SCN3A: variants seen among roughly 807,000 people sequenced by gnomAD.
SCN3A encodes sodium voltage-gated channel alpha subunit 3.
Under a neutral mutation model 187.6 loss-of-function variants are expected in SCN3A, and 60 were observed. That is an observed-to-expected ratio of 0.32 (90% CI 0.26 to 0.40). SCN3A has a LOEUF of 0.40. SCN3A is among the 10% of genes least tolerant of loss of function. SCN3A has a pLI of 1.00. For synonymous variants in SCN3A, 788 were observed against 829.2 expected, an observed-to-expected ratio of 0.95 and a Z score of 0.85; for missense variants, 1,601 against 2,428.2, an observed-to-expected ratio of 0.66 and a Z score of 7.16.
intron 1 of SCN3A, among the ~76,000 whole-genome samples, chr2:165,191,644 C>T (rs749699652): frequency 4.6e-5 from 7 of 152,156 alleles, no homozygotes; most frequent in Non-Finnish European, 8.8e-5. Context: ...CTTAAAGAGA[C>T]CTGCTCACAC....
chr2:165,163,542 C>T, intron 7 of SCN3A, 76 bp downstream of exon 7: 1 of 1,489,708 alleles, frequency 6.7e-7, no homozygotes, highest in Non-Finnish European at 9.3e-7. Context: ...AGCAACAAGG[C>T]TAATGCTGTA....
rs1186673696 is a variant in SCN3A, at chr2:165,094,415, G to C, written c.4495C>G (p.Leu1499Val). ...QKKYYNAMKK[L>V]GSKKPQKPIP... is the part of the protein sequence containing the mutation. ...GGTTTCTGAGGTTTCTTGGATCCAA[G>C]TTTCTTCATTGCATTGTAATATTTT... The change falls in exon 26 of 28, where the codon CTT (leucine) becomes GTT (valine). Residue 1499 changes from leucine to valine, a missense_variant. Coordinates refer to ENST00000283254, the MANE Select transcript of SCN3A (RefSeq NM_006922.4). 6.2e-7 allele frequency: 1 copy of C among 1,613,792 alleles called. No homozygotes were observed.
In SCN3A at chr2:165,127,378, T is replaced by A. The variant is rs186620324; in HGVS notation, c.3393+253A>T. Among the ~76,000 whole-genome samples the A allele has an allele frequency of 2.3e-4, 35 of 152,292 alleles. No individual in the cohort carries two copies. The East Asian group carries it at 6.2e-3, about 27-fold the overall frequency. ...GCCCAGCCTAAAAGGCCACATTTTT[T>A]AACCACATTTTCAAATGATCAAGAA... On this transcript the variant is annotated intron_variant, in intron 18 of 27. Coordinates refer to ENST00000283254, the MANE Select transcript of SCN3A (RefSeq NM_006922.4).
rs769316370 is a variant in SCN3A at position 165,164,412 on chromosome 2, A to G, written c.582T>C (p.Asp194=). The G allele has an allele frequency of 6.2e-7, 1 of 1,613,834 alleles. No homozygotes were observed. ...TFLRDPWNWL[D]FSVIVMAYVT... The stretch of plus-strand genomic sequence containing the variant: ...CTCACGCCATCACAATGACACTGAA[A>G]TCCAGCCAGTTCCATGGATCACGAA... Residue 194 remains aspartate, a synonymous_variant, in exon 6 of 28, where the codon GAT becomes GAC. Coordinates refer to ENST00000283254, the MANE Select transcript of SCN3A (RefSeq NM_006922.4).
intron 24 of SCN3A, among the ~76,000 whole-genome samples, chr2:165,096,166 G>C (rs1685356157): frequency 6.6e-6 from 1 of 152,016 alleles, no homozygotes; most frequent in Non-Finnish European, 1.5e-5. Flanking sequence ...ATACTCTCCA[G>C]GGATAGGGAG....
At chr2:165,201,789 A>T (rs1692338915) in intron 1 of SCN3A, among the ~76,000 whole-genome samples, 1 of 152,218 alleles carries the variant, frequency 6.6e-6, no homozygotes, top group African/African-American at 2.4e-5. Flanking sequence ...TTAGCACATC[A>T]ATCATAATTT....
chr2:165,139,971 TC>T (rs1256972060), intron 13 of SCN3A, among the ~76,000 whole-genome samples: 2 of 152,170 alleles, frequency 1.3e-5, no homozygotes, highest in African/African-American at 4.8e-5. Context: ...TGATTAATAA[TC>T]AGATCAATCT....
Position 165,113,828 on chromosome 2 carries a change from A to G in SCN3A, c.3657T>C (p.Ser1219=). ...ETFIVFMILL[S]SGALAFEDIY... ...GCATTTCACTTACCAATGCACCACT[A>G]CTGAGAAGGATCATGAACACAATGA... Residue 1219 remains serine, a synonymous_variant, in exon 20 of 28, where the codon AGT becomes AGC. Coordinates refer to ENST00000283254, the MANE Select transcript of SCN3A (RefSeq NM_006922.4). The G allele has an allele frequency of 1.2e-6, 2 of 1,613,908 alleles. No individual in the cohort carries two copies. Among genetic ancestry groups the G allele is most frequent in the Non-Finnish European group, 1.7e-6 (2 of 1,179,864 alleles).
In SCN3A at chr2:165,161,026, A is replaced by G. The variant is rs572546861; in HGVS notation, c.1031+1282T>C. Among the ~76,000 whole-genome samples the G allele has an allele frequency of 1.3e-4, 20 of 152,104 alleles. No homozygotes were observed. The South Asian group carries it at 4.0e-3, about 30-fold the overall frequency. ...TGGCTTGGAATTCCTAGGCTCAAGCAATCCTTCTACTTTAGCCCCCTGAGA... is the reference window on the plus strand; with the variant it reads ...TGGCTTGGAATTCCTAGGCTCAAGCGATCCTTCTACTTTAGCCCCCTGAGA... On this transcript the variant is annotated intron_variant, in intron 9 of 27. Coordinates refer to ENST00000283254, the MANE Select transcript of SCN3A (RefSeq NM_006922.4).
intron 1 of SCN3A, among the ~76,000 whole-genome samples, chr2:165,187,722 C>T (rs1409082349): frequency 6.6e-6 from 1 of 152,172 alleles, no homozygotes; most frequent in Non-Finnish European, 1.5e-5. Flanking sequence ...GACTCAGAAT[C>T]ACTTTAGCAA....
Position 165,090,077 on chromosome 2 carries a change from G to A in SCN3A, c.*73C>T. 6.5e-7 allele frequency: 1 copy of A among 1,541,086 alleles called. No homozygotes were observed. Among genetic ancestry groups the A allele is most frequent in the Non-Finnish European group, 8.7e-7 (1 of 1,144,796 alleles). ...AGTTTGGCATGGACCTCCTCTTGAA[G>A]TCCAGTTGACACATATACTTTACCT... On this transcript the variant is annotated 3_prime_UTR_variant, in exon 28 of 28. Coordinates refer to ENST00000283254, the MANE Select transcript of SCN3A (RefSeq NM_006922.4). The surrounding 1 kb of genome is among the most constrained non-coding windows in gnomAD (Gnocchi z 4.0).
At chr2:165,183,954 G>A (rs983771317) in intron 2 of SCN3A, among the ~76,000 whole-genome samples, 1 of 152,046 alleles carries the variant, frequency 6.6e-6, no homozygotes, top group Non-Finnish European at 1.5e-5. Flanking sequence ...TACTGAGGAG[G>A]GATGCTGTAT....
chr2:165,179,120 G>A (rs547940766), intron 2 of SCN3A, among the ~76,000 whole-genome samples: 7 of 151,834 alleles, frequency 4.6e-5, no homozygotes, highest in African/African-American at 1.4e-4. Context: ...AAACACGGTC[G>A]CTTTCTTAGA....
At chr2:165,147,773 A>T (rs1385228016) in intron 11 of SCN3A, among the ~76,000 whole-genome samples, 1 of 152,202 alleles carries the variant, frequency 6.6e-6, no homozygotes, top group Non-Finnish European at 1.5e-5. Context: ...ATATTGCAGC[A>T]CTAAGTATTC....
At chr2:165,186,893 A>T (rs1049663219) in intron 1 of SCN3A, 146 bp from the exon 2 acceptor site, 6 of 151,854 alleles carry the variant, frequency 4.0e-5, no homozygotes, top group African/African-American at 1.2e-4. Flanking sequence ...AAGATATTTG[A>T]CCCTTGTTAA....
chr2:165,172,506 C>T (rs1559260306), intron 3 of SCN3A, among the ~76,000 whole-genome samples: 1 of 152,134 alleles, frequency 6.6e-6, no homozygotes, highest in African/African-American at 2.4e-5. Flanking sequence ...TTTAATATTA[C>T]AGTTGAACAG....
At chr2:165,121,507 C>A (rs147151829) in intron 18 of SCN3A, among the ~76,000 whole-genome samples, 1 of 152,126 alleles carries the variant, frequency 6.6e-6, no homozygotes, top group Non-Finnish European at 1.5e-5. Context: ...AAATTTGGTG[C>A]TGAATAAAAA....
intron 4 of SCN3A, among the ~76,000 whole-genome samples, chr2:165,169,600 C>T (rs1262362121): frequency 1.3e-5 from 2 of 151,854 alleles, no homozygotes; most frequent in Non-Finnish European, 2.9e-5. Flanking sequence ...AATATAAATA[C>T]TTTCCAACAT....
At chr2:165,185,413 G>T (rs182387426) in intron 2 of SCN3A, among the ~76,000 whole-genome samples, 5 of 152,160 alleles carry the variant, frequency 3.3e-5, no homozygotes, top group Non-Finnish European at 7.4e-5. Context: ...GCCAAGGAAA[G>T]GTGAGGGGAC....
Sources: allele counts gnomAD v4.1 joint callset (sites outside exome capture counted in the v4.1 genomes callset), GRCh38; gene constraint gnomAD v4.1.1; non-coding constraint Gnocchi (gnomAD v3.1); transcripts MANE v1.5; gene names NCBI Gene and HGNC (gene_info 2026-07-23, HGNC 2026-07-21).